Variants in ZPBP observed in about 807,000 individuals in gnomAD.
ZPBP encodes the protein zona pellucida binding protein.
Under a neutral mutation model 44.8 loss-of-function variants are expected in ZPBP, and 26 were observed. The ratio of observed to expected loss-of-function variants is 0.58; its 90% CI spans 0.43 to 0.81. ZPBP has a LOEUF of 0.81. ZPBP is among the 30% of genes least tolerant of loss of function. The pLI is 0.00. For synonymous variants in ZPBP, 174 were observed against 153.2 expected (o/e 1.14, Z -1.00); for missense variants, 409 against 434.0 (o/e 0.94, Z 0.51).
intron 6 of ZPBP, among the ~76,000 whole-genome samples, chr7:50,016,890 C>T (rs1562847661): frequency 6.6e-6 from 1 of 152,036 alleles, no homozygotes; most frequent in Non-Finnish European, 1.5e-5. Flanking sequence ...AGAAGAAAAC[C>T]TATCCCAAGG....
intron 5 of ZPBP, among the ~76,000 whole-genome samples, chr7:50,029,593 G>C (rs1177169285): frequency 6.6e-6 from 1 of 152,160 alleles, no homozygotes; most frequent in Non-Finnish European, 1.5e-5. Context: ...ACAGTATTTG[G>C]AATATATAAA....
intron 6 of ZPBP, among the ~76,000 whole-genome samples, chr7:49,989,493 T>C (rs1264572148): frequency 6.6e-6 from 1 of 152,214 alleles, no homozygotes; most frequent in Non-Finnish European, 1.5e-5. Flanking sequence ...TGCTGCACTT[T>C]ATGCAAATAA....
At chr7:50,015,147 G>C (rs6949172) in intron 6 of ZPBP, among the ~76,000 whole-genome samples, 2 of 151,678 alleles carry the variant, frequency 1.3e-5, no homozygotes, top group Middle Eastern at 3.2e-3. Context: ...AACCAAATAA[G>C]AAACTTCTGT....
chr7:49,959,159 G>A (rs1237228192), intron 7 of ZPBP, among the ~76,000 whole-genome samples: 2 of 151,396 alleles, frequency 1.3e-5, no homozygotes, highest in South Asian at 2.1e-4. Context: ...AAAAGTGAAA[G>A]AGTTATTGCT....
At chr7:50,042,162 T>G (rs1037503864) in intron 4 of ZPBP, among the ~76,000 whole-genome samples, 1 of 152,102 alleles carries the variant, frequency 6.6e-6, no homozygotes, top group Middle Eastern at 3.4e-3. Context: ...CTCCAAGAAA[T>G]ATGGGACTAT....
intron 2 of ZPBP, among the ~76,000 whole-genome samples, chr7:49,899,012 C>T (rs999150439): frequency 2.0e-5 from 3 of 151,964 alleles, no homozygotes; most frequent in African/African-American, 7.2e-5. Context: ...TTAACAGTCA[C>T]TTTGAACATA....
At chr7:49,845,899 T>C (rs1789932360), downstream of ZPBP, among the ~76,000 whole-genome samples, 1 of 152,216 alleles carries the variant, frequency 6.6e-6, no homozygotes, top group Non-Finnish European at 1.5e-5. Flanking sequence ...ACGTTTCTCA[T>C]CTTACATATT....
chr7:50,031,828 A>C (rs1799620769), intron 4 of ZPBP, among the ~76,000 whole-genome samples: 1 of 147,784 alleles, frequency 6.8e-6, no homozygotes, highest in Non-Finnish European at 1.5e-5. Flanking sequence ...GGAACTGAGA[A>C]CACACACACA....
chr7:50,067,278 A>G (rs180757669), intron 3 of ZPBP, among the ~76,000 whole-genome samples: 133 of 152,112 alleles, frequency 8.7e-4, no homozygotes, highest in Non-Finnish European at 8.2e-4. Context: ...GGGGGCCCAT[A>G]CAGCATTTAA....
intron 4 of ZPBP, among the ~76,000 whole-genome samples, chr7:50,050,579 T>C (rs945714108): frequency 2.6e-5 from 4 of 151,804 alleles, no homozygotes; most frequent in African/African-American, 9.7e-5. Flanking sequence ...AAATCAACCT[T>C]AAACCAAGCC....
intron 7 of ZPBP, among the ~76,000 whole-genome samples, chr7:49,953,072 T>C (rs1304697378): frequency 2.0e-5 from 3 of 152,136 alleles, no homozygotes; most frequent in African/African-American, 7.2e-5. Context: ...ATTGTGAGCC[T>C]ACAATTAGTA....
chr7:50,074,642 T>C (rs901420777), intron 3 of ZPBP, among the ~76,000 whole-genome samples: 2 of 151,688 alleles, frequency 1.3e-5, no homozygotes, highest in African/African-American at 4.8e-5. Flanking sequence ...ACAAAATAGG[T>C]TGCAAGACAA....
At chr7:49,893,937 T>C (rs899423972) in intron 2 of ZPBP, among the ~76,000 whole-genome samples, 6 of 152,196 alleles carry the variant, frequency 3.9e-5, no homozygotes, top group African/African-American at 1.4e-4. Flanking sequence ...ATAAAATGCG[T>C]TGCCACAAGC....
intron 3 of ZPBP, among the ~76,000 whole-genome samples, chr7:50,060,857 GA>G (rs1390342732): frequency 6.6e-6 from 1 of 151,938 alleles, no homozygotes; most frequent in Non-Finnish European, 1.5e-5. Flanking sequence ...GACACAAAAT[GA>G]AAAAAGAAAT....
chr7:50,025,215 A>C (rs1022672326), intron 5 of ZPBP, among the ~76,000 whole-genome samples: 1 of 151,908 alleles, frequency 6.6e-6, no homozygotes, highest in Non-Finnish European at 1.5e-5. Flanking sequence ...GTTCTTGCCA[A>C]TTTGATATAT....
chr7:49,889,996 T>C (rs1306334324), intron 2 of ZPBP, among the ~76,000 whole-genome samples: 1 of 152,142 alleles, frequency 6.6e-6, no homozygotes, highest in Admixed American at 6.5e-5. Flanking sequence ...TAATTCTAGG[T>C]TTCAGTTTTC....
At chr7:49,938,954 C>T (rs1794736764) in intron 7 of ZPBP, among the ~76,000 whole-genome samples, 1 of 152,068 alleles carries the variant, frequency 6.6e-6, no homozygotes, top group African/African-American at 2.4e-5. Context: ...ATTTGCCATT[C>T]TATGTTCCAA....
chr7:49,874,380 G>T lies in ZPBP; in HGVS notation n.510-23866C>A, dbSNP rs373592496. On this transcript the variant is annotated intron_variant and non_coding_transcript_variant, in intron 2 of 2. Transcript: ENST00000465922. ...ATTCAGTACAGGAACATGCCGTGCA[G>T]GTTTGTAGCCTAGGAGCAATAGGCT... Among the ~76,000 whole-genome samples, 236 of 152,310 alleles carry T rather than the reference G, an allele frequency of 1.5e-3. 3 individuals are homozygous for T. The highest frequency in any genetic ancestry group is 5.4e-3 in the African/African-American group (226 of 41,572).
chr7:50,018,475 T>C (rs1268317793), intron 5 of ZPBP, among the ~76,000 whole-genome samples, 159 bp from the exon 6 acceptor site: 1 of 151,998 alleles, frequency 6.6e-6, no homozygotes, highest in Non-Finnish European at 1.5e-5. Context: ...AAAACCTAAG[T>C]CAACAATTTG....
Sources: gnomAD v4.1 joint callset for allele counts (sites outside exome capture counted in the v4.1 genomes callset) on GRCh38, gnomAD v4.1.1 for gene constraint, MANE v1.5 for transcripts, NCBI Gene and HGNC (gene_info 2026-07-23, HGNC 2026-07-21) for gene names.